MMP28: variants seen among roughly 807,000 people sequenced by gnomAD.
MMP28 encodes the protein matrix metalloproteinase-28.
MMP28 carries 55 observed loss-of-function variants against 60.5 expected under a neutral mutation model. That is an observed-to-expected ratio of 0.91 (90% CI 0.73 to 1.14). The LOEUF is 1.14. Ranked by LOEUF, MMP28 falls within the 50% of genes most tolerant of loss-of-function variation. The pLI is 0.00. For missense variants in MMP28, 686 were observed against 738.3 expected (o/e 0.93, Z 0.82); for synonymous variants, 318 against 312.5 (o/e 1.02, Z -0.18).
downstream of MMP28, chr17:35,764,476 C>T (rs1300669211): frequency 6.4e-7 from 1 of 1,567,004 alleles, no homozygotes; most frequent in Non-Finnish European, 8.6e-7. Context: ...CGGCGACGAC[C>T]GCCGCGCCGC....
At chr17:35,788,981 G>A (rs2086733424) in intron 1 of MMP28, among the ~76,000 whole-genome samples, 1 of 152,178 alleles carries the variant, frequency 6.6e-6, no homozygotes, top group Non-Finnish European at 1.5e-5. Flanking sequence ...GCTGTGAGCA[G>A]CTCTAGTTTT....
In MMP28 at chr17:35,779,306, G is replaced by T; in HGVS notation, c.129C>A (p.Tyr43Ter). 1 of 1,612,824 alleles carries T rather than the reference G, an allele frequency of 6.2e-7. No individual in the cohort carries two copies. The highest frequency in any genetic ancestry group is 8.5e-7 in the Non-Finnish European group (1 of 1,179,442). ...TGGGGACCTGTTCATTGAGGTATCC[G>T]TACTTCTCTAGGAATGCCTGCGGGA... ...RKEAEAFLEKYGYLNEQVPKA... is the reference protein window; with the variant it reads ...RKEAEAFLEK Residue 43 changes from tyrosine to a stop codon, truncating the protein, a stop_gained, in exon 2 of 8, where the codon TAC becomes TAA. Transcript: ENST00000605424. LOFTEE classifies it high-confidence loss of function.
chr17:35,766,258 A>T lies in MMP28; in HGVS notation c.*242T>A. 3.1e-6 allele frequency: 4 copies of T among 1,306,364 alleles called. No homozygotes were observed. Among genetic ancestry groups the T allele is most frequent in the Admixed American group, 3.4e-5 (1 of 29,826 alleles). 80.9% of individuals were successfully genotyped at this position (1,306,364 alleles called of 1,614,324 possible). The stretch of plus-strand genomic sequence containing the variant: ...AGTCCTCGGAGGAAAGGGCCAAGGG[A>T]TCTGGGACCCTTTTTTGCTTTTCCT... On this transcript the variant is annotated 3_prime_UTR_variant, in exon 8 of 8. Coordinates refer to ENST00000605424, the MANE Select transcript of MMP28 (RefSeq NM_024302.5). The surrounding 1 kb of genome is among the most constrained non-coding windows in gnomAD (Gnocchi z 4.3).
intron 1 of MMP28, among the ~76,000 whole-genome samples, chr17:35,783,516 G>T (rs2086565206): frequency 6.6e-6 from 1 of 152,144 alleles, no homozygotes; most frequent in South Asian, 2.1e-4. Context: ...AGGTAGCCAG[G>T]GAATTAATGT....
chr17:35,767,218 C>T (rs192259051), intron 7 of MMP28, among the ~76,000 whole-genome samples: 8 of 152,216 alleles, frequency 5.3e-5, no homozygotes, highest in Admixed American at 3.3e-4. Flanking sequence ...CTGCTGTATC[C>T]CTAACATATC....
At chr17:35,764,694 C>T (rs1463773158), downstream of MMP28, 2 of 1,442,672 alleles carry the variant, frequency 1.4e-6, no homozygotes, top group Admixed American at 3.0e-5. Flanking sequence ...TCTCTTGGAG[C>T]GCGGAGCCCT....
At chr17:35,764,089 G>A, downstream of MMP28, 2 of 1,550,282 alleles carry the variant, frequency 1.3e-6, no homozygotes, top group Non-Finnish European at 1.7e-6. Context: ...AGGAGGGGTC[G>A]GAGGACGAGG....
chr17:35,760,994 A>G (rs1555601396), downstream of MMP28: 2 of 1,597,572 alleles, frequency 1.3e-6, no homozygotes, highest in South Asian at 2.3e-5. Context: ...GGAGGACAGG[A>G]CCTCTTGACC....
intron 1 of MMP28, among the ~76,000 whole-genome samples, chr17:35,789,549 G>A (rs1461492566): frequency 6.6e-6 from 1 of 151,704 alleles, no homozygotes; most frequent in Non-Finnish European, 1.5e-5. Flanking sequence ...TTCATTTAAA[G>A]CACTACTTTA....
chr17:35,767,713 T>C (rs912613173), intron 7 of MMP28, 39 bp downstream of exon 7: 17 of 1,549,850 alleles, frequency 1.1e-5, no homozygotes, highest in Non-Finnish European at 1.5e-5. Flanking sequence ...ACCTTCCCTC[T>C]CTAGGGCTCA....
downstream of MMP28, chr17:35,764,554 A>G (rs1555602407): frequency 3.1e-6 from 5 of 1,596,016 alleles, no homozygotes; most frequent in Non-Finnish European, 4.3e-6. Flanking sequence ...CACCCAGCCT[A>G]TGTGGCGCAC....
intron 4 of MMP28, among the ~76,000 whole-genome samples, chr17:35,771,696 A>AAT (rs71366482): frequency 1.8e-3 from 90 of 50,426 alleles, no homozygotes; most frequent in South Asian, 2.6e-3. Flanking sequence ...TATAGAAGTG[A>AAT]ATATATATAT....
rs1555608382 is a variant in MMP28 at position 35,778,976 on chromosome 17, G to C, written c.291C>G (p.Asn97Lys). 6.2e-7 allele frequency: 1 copy of C among 1,614,058 alleles called. No individual in the cohort carries two copies. Among genetic ancestry groups the C allele is most frequent in the Non-Finnish European group, 8.5e-7 (1 of 1,179,904 alleles). Residue 97 changes from asparagine to lysine, a missense_variant, in exon 3 of 8, where the codon AAC becomes AAG. Coordinates refer to ENST00000605424, the MANE Select transcript of MMP28 (RefSeq NM_024302.5). Reference sequence around the variant, plus strand: ...TCCTCTCAGCCCAGGCCGCATAACTGTTGGTATCTGTAACCCCGCAGCGGG... The same window carrying C: ...TCCTCTCAGCCCAGGCCGCATAACTCTTGGTATCTGTAACCCCGCAGCGGG... ...TRPRCGVTDT[N>K]SYAAWAERIS...
In MMP28 at chr17:35,766,894, C is replaced by T; in HGVS notation, c.1169G>A (p.Gly390Glu). 6.4e-7 allele frequency: 1 copy of T among 1,572,720 alleles called. No homozygotes were observed. The highest frequency in any genetic ancestry group is 8.6e-7 in the Non-Finnish European group (1 of 1,159,990). The change falls in exon 8 of 8, where the codon GGG (glycine) becomes GAG (glutamate). Residue 390 changes from glycine (G) to glutamate (E), a missense_variant and splice_region_variant. By Grantham distance (98) the Gly-to-Glu change is moderately conservative. Coordinates refer to ENST00000605424, the MANE Select transcript of MMP28 (RefSeq NM_024302.5). The surrounding 1 kb of genome is among the most constrained non-coding windows in gnomAD (Gnocchi z 4.3). ...LNDGDFYFFK[G>E]GRCWRFRGPK... ...GCCCCGGAACCTCCAGCATCGACCC[C>T]CTGTGGGGAATTGGGAGAGCCAGGG...
At chr17:35,764,689 T>C (rs782469825), downstream of MMP28, 136 of 1,462,772 alleles carry the variant, frequency 9.3e-5, no homozygotes, top group Non-Finnish European at 1.2e-4. Context: ...CCTTCTCTCT[T>C]GGAGCGCGGA....
chr17:35,769,958 G>A, intron 5 of MMP28, 109 bp downstream of exon 5: 1 of 1,379,680 alleles, frequency 7.2e-7, no homozygotes, highest in Non-Finnish European at 9.6e-7. Context: ...AGGGAGGCCA[G>A]ATCTATGAGC....
chr17:35,790,540 G>A (rs144704542), intron 1 of MMP28, among the ~76,000 whole-genome samples: 1 of 152,292 alleles, frequency 6.6e-6, no homozygotes, highest in Admixed American at 6.5e-5. Flanking sequence ...GTTCAAGTCT[G>A]CTACATCCTG....
chr17:35,787,866 T>C (rs2086697489), intron 1 of MMP28, among the ~76,000 whole-genome samples: 2 of 151,368 alleles, frequency 1.3e-5, no homozygotes, highest in South Asian at 4.2e-4. Context: ...CCCTGCTCCT[T>C]CTTTCTCTCT....
At chr17:35,784,797 C>T (rs1371693691) in intron 1 of MMP28, among the ~76,000 whole-genome samples, 2 of 152,148 alleles carry the variant, frequency 1.3e-5, no homozygotes, top group Non-Finnish European at 2.9e-5. Flanking sequence ...CTGAGTTCTA[C>T]CTGGCACCAT....
Sources: allele counts gnomAD v4.1 joint callset (sites outside exome capture counted in the v4.1 genomes callset), GRCh38; gene constraint gnomAD v4.1.1; non-coding constraint Gnocchi (gnomAD v3.1); transcripts MANE v1.5; gene names NCBI Gene and HGNC (gene_info 2026-07-23, HGNC 2026-07-21).